SMG5: variants seen among roughly 807,000 people sequenced by gnomAD.
The protein encoded by SMG5 is nonsense-mediated mRNA decay factor SMG5.
Under a neutral mutation model 122.9 loss-of-function variants are expected in SMG5, and 53 were observed. That is an observed-to-expected ratio of 0.43 (90% CI 0.35 to 0.54). The LOEUF is 0.54. Among genes scored for constraint, SMG5 ranks in the 20% least tolerant of loss-of-function variants. SMG5 has a pLI of 0.01. For missense variants in SMG5, 1,153 were observed against 1,285.6 expected (o/e 0.90, Z 1.58); for synonymous variants, 477 against 490.2 (o/e 0.97, Z 0.35).
chr1:156,278,156 T>C, intron 2 of SMG5, 108 bp from the exon 3 acceptor site: 3 of 1,431,362 alleles, frequency 2.1e-6, no homozygotes, highest in South Asian at 1.3e-5. Flanking sequence ...CAAATCTCGG[T>C]GCTTCCCAAG....
At position 156,249,826 on chromosome 1, in the gene SMG5, T is replaced by C. The variant is rs1661242097; in HGVS notation, c.*761A>G. On this transcript the variant is annotated 3_prime_UTR_variant, in exon 22 of 22. Coordinates refer to ENST00000361813, the MANE Select transcript of SMG5 (RefSeq NM_015327.3). ...GCACAAAGCACAGCACCTGTGGGGC[T>C]GGTGGGCACAGGAGACCGTGCTGGC... 2.1e-6 allele frequency: 1 copy of C among 471,140 alleles called. No homozygotes were observed. Among genetic ancestry groups the C allele is most frequent in the African/African-American group, 2.0e-5 (1 of 50,092 alleles). The allele number at this position is 471,140 out of a possible 1,614,324, so 29.2% of individuals were successfully genotyped here. A position where few individuals can be genotyped will look rare whatever the true frequency, so the allele number is the denominator to read the frequency against.
chr1:156,263,265 G>T, intron 13 of SMG5, 130 bp downstream of exon 13: 2 of 1,046,062 alleles, frequency 1.9e-6, no homozygotes, highest in Non-Finnish European at 2.8e-6. Flanking sequence ...GCCCAGCACA[G>T]ATAGGTGATT....
At chr1:156,280,001 G>C (rs1662858789) in intron 1 of SMG5, among the ~76,000 whole-genome samples, 1 of 152,150 alleles carries the variant, frequency 6.6e-6, no homozygotes, top group Non-Finnish European at 1.5e-5. Flanking sequence ...ACTTTGTGAG[G>C]ATTAAATTAG....
intron 5 of SMG5, among the ~76,000 whole-genome samples, chr1:156,274,150 C>T (rs142676169): frequency 0.015 from 2,221 of 152,234 alleles, 25 homozygotes; most frequent in Middle Eastern, 0.027. Flanking sequence ...TCTATCAGGA[C>T]GAGAGGCCCC....
intron 2 of SMG5, 53 bp downstream of exon 2, chr1:156,278,883 T>G: frequency 6.9e-7 from 1 of 1,456,262 alleles, no homozygotes; most frequent in Non-Finnish European, 9.6e-7. Context: ...AGGTTTCTGG[T>G]AGAGATAGGC....
At chr1:156,286,508 G>T (rs970972592), upstream of SMG5, 2 of 1,604,934 alleles carry the variant, frequency 1.2e-6, no homozygotes, top group African/African-American at 2.7e-5. Flanking sequence ...ATGGGAGAGG[G>T]GATGGTGCTA....
At chr1:156,256,729 C>T (rs1394929556) in intron 16 of SMG5, among the ~76,000 whole-genome samples, 2 of 152,140 alleles carry the variant, frequency 1.3e-5, no homozygotes, top group South Asian at 4.2e-4. Flanking sequence ...CTTCAGAAGT[C>T]CCATCAGCAG....
At position 156,258,357 on chromosome 1, in the gene SMG5, G is replaced by C. The variant is rs1661670893; in HGVS notation, c.2442+648C>G. Among the ~76,000 whole-genome samples the C allele has an allele frequency of 2.0e-5, 3 of 152,376 alleles. No homozygotes were observed. The South Asian group carries it at 6.2e-4, about 32-fold the overall frequency. The stretch of plus-strand genomic sequence containing the variant: ...CATCTTCAAAAAACTCCATAAAGTG[G>C]ATTCTGTTTGTTCCCACATAACTGA... On this transcript the variant is annotated intron_variant, in intron 16 of 21. Coordinates refer to ENST00000361813, the MANE Select transcript of SMG5 (RefSeq NM_015327.3).
At position 156,260,525 on chromosome 1, in the gene SMG5, G is replaced by A; in HGVS notation, c.2209C>T (p.Leu737=). 2 of 1,583,516 alleles carry A rather than the reference G, an allele frequency of 1.3e-6. No individual in the cohort carries two copies. The highest frequency in any genetic ancestry group is 2.4e-5 in the East Asian group (1 of 42,346). ...CTGTGGGCAGCTCGGAGCGGGGGCA[G>A]GTTACGAAGAGCCATGTCCTCTGGG... ...LLPEDMALRN[L]PPLRAAHRRF... Residue 737 remains leucine, a synonymous_variant, in exon 15 of 22, where the codon CTG becomes TTG. Transcript: ENST00000361813.
chr1:156,265,855 G>C lies in SMG5; in HGVS notation c.1781C>G (p.Pro594Arg). The change falls in exon 12 of 22, where the codon CCC (proline) becomes CGC (arginine). Residue 594 changes from proline to arginine, a missense_variant. Physicochemically the swap from Pro to Arg is moderately radical, Grantham distance 103 (BLOSUM62 -2). Around this residue, in one of 5 missense-constraint regions of SMG5, gnomAD observed 631 missense variants for 650.6 expected, o/e 0.97. Coordinates refer to ENST00000361813, the MANE Select transcript of SMG5 (RefSeq NM_015327.3). ...GGCCGAGGTATGAGGGTTGGTGGTG[G>C]GCTGGAGGAGCAGGTTGCTAAAGGT... is the stretch of plus-strand genomic sequence containing the variant. ...APTFSNLLLQ[P>R]TTNPHTSASH... 6.2e-7 allele frequency: 1 copy of C among 1,614,234 alleles called. No homozygotes were observed.
In SMG5 at chr1:156,261,405, A is replaced by T. The variant is rs751425710; in HGVS notation, c.2035T>A (p.Ser679Thr). 2 of 1,614,068 alleles carry T rather than the reference A, an allele frequency of 1.2e-6. No homozygotes were observed. Among genetic ancestry groups the T allele is most frequent in the South Asian group, 1.1e-5 (1 of 91,076 alleles). ...GACAGGCGGTTCCACAGACTTTGAG[A>T]GCTCTGGGGAGAGAGAAGGGAGAGG... Reference protein sequence around the residue: ...PDLIIVCAQSSQSLWNRLSVL... With the variant: ...PDLIIVCAQSTQSLWNRLSVL... The change falls in exon 14 of 22, where the codon TCT (serine) becomes ACT (threonine). Residue 679 changes from serine (S) to threonine (T), a missense_variant. Physicochemically the swap from Ser to Thr is moderately conservative, Grantham distance 58. This residue lies in a region of SMG5 where 631 missense variants were observed against 650.6 expected (regional missense o/e 0.97). Transcript: ENST00000361813.
At chr1:156,290,138 G>A in the SMG5 span, 1 of 152,128 alleles carries the variant, frequency 6.6e-6, no homozygotes, top group Non-Finnish European at 1.5e-5. Context: ...ATGATCTCCA[G>A]GATATATTAA....
rs1661306932 is a variant in SMG5 at position 156,250,665 on chromosome 1, G to A, written c.2973C>T (p.Ala991=). Residue 991 remains alanine (A), a synonymous_variant, in exon 22 of 22, where the codon GCC becomes GCT. Coordinates refer to ENST00000361813, the MANE Select transcript of SMG5 (RefSeq NM_015327.3). ...CACTGGCGTGGGCAGCGGCCTGCAGGGCTGCCTGTGGAATGGGAGAAGGAA... is the reference window on the plus strand; with the variant it reads ...CACTGGCGTGGGCAGCGGCCTGCAGAGCTGCCTGTGGAATGGGAGAAGGAA... ...PSVLSGPMQA[A]LQAAAHASVD... is the part of the protein sequence containing the mutation. 6.2e-7 allele frequency: 1 copy of A among 1,614,062 alleles called. No homozygotes were observed.
At chr1:156,253,672 T>C (rs1661455473) in intron 16 of SMG5, 164 bp from the exon 17 acceptor site, 1 of 673,254 alleles carries the variant, frequency 1.5e-6, no homozygotes, top group East Asian at 2.7e-5. Flanking sequence ...AGAAAAAATA[T>C]TCTTCCACTG....
At chr1:156,289,692 A>G in the SMG5 span, among the ~76,000 whole-genome samples, 2 of 152,236 alleles carry the variant, frequency 1.3e-5, no homozygotes, top group Non-Finnish European at 2.9e-5. Flanking sequence ...GAAGAGAAGC[A>G]GCAGTTACTC....
In SMG5 at chr1:156,249,423, C is replaced by A. The variant is rs958026026; in HGVS notation, c.*1164G>T. The A allele has an allele frequency of 6.4e-6, 2 of 311,842 alleles. No individual in the cohort carries two copies. The highest frequency in any genetic ancestry group is 2.2e-5 in the African/African-American group (1 of 46,008). The allele number at this position is 311,842 out of a possible 1,614,324, so 19.3% of individuals were successfully genotyped here. A position where few individuals can be genotyped will look rare whatever the true frequency, so the allele number is the denominator to read the frequency against. ...GGGGCAGCAGAGCTGAGACCCTCCACCCCGAGCCCCTAGCCTGTGCTATCC... is the reference window on the plus strand; with the variant it reads ...GGGGCAGCAGAGCTGAGACCCTCCAACCCGAGCCCCTAGCCTGTGCTATCC... On this transcript the variant is annotated 3_prime_UTR_variant, in exon 22 of 22. Coordinates refer to ENST00000361813, the MANE Select transcript of SMG5 (RefSeq NM_015327.3).
At chr1:156,252,844 A>C in intron 18 of SMG5, 75 bp downstream of exon 18, 1 of 1,431,788 alleles carries the variant, frequency 7.0e-7, no homozygotes, top group Non-Finnish European at 9.2e-7. Flanking sequence ...CTGGGCCCCA[A>C]ATAAGGTCTC....
At chr1:156,270,378 C>T (rs756535141) in intron 7 of SMG5, among the ~76,000 whole-genome samples, 5 of 152,222 alleles carry the variant, frequency 3.3e-5, no homozygotes, top group African/African-American at 4.8e-5. Flanking sequence ...GAAGATACCA[C>T]GCATGGTCCT....
intron 16 of SMG5, among the ~76,000 whole-genome samples, chr1:156,255,549 GAATA>G (rs928585221): frequency 4.0e-5 from 6 of 150,072 alleles, no homozygotes; most frequent in East Asian, 2.0e-4. Context: ...CAAAGAAAAT[GAATA>G]AATAAATATA....
Sources: allele counts gnomAD v4.1 joint callset (sites outside exome capture counted in the v4.1 genomes callset), GRCh38; gene constraint gnomAD v4.1.1; regional missense constraint gnomAD v4.1.1; transcripts MANE v1.5; gene names NCBI Gene and HGNC (gene_info 2026-07-23, HGNC 2026-07-21).